The following PBXIP1 variants were observed in gnomAD, a reference collection of about 807,000 sequenced individuals.
The protein encoded by PBXIP1 is pre-B-cell leukemia transcription factor-interacting protein 1.
PBXIP1 carries 73 observed loss-of-function variants against 73.7 expected under a neutral mutation model. The observed-to-expected ratio is 0.99, with a 90% CI of 0.82 to 1.20. The LOEUF is 1.20. Ranked by LOEUF, PBXIP1 falls within the 50% of genes most tolerant of loss-of-function variation. PBXIP1 has a pLI of 0.00. For missense variants in PBXIP1, 818 were observed against 911.4 expected (o/e 0.90, Z 1.32); for synonymous variants, 330 against 366.9 (o/e 0.90, Z 1.15).
chr1:154,946,884 C>T, intron 9 of PBXIP1, 81 bp from the exon 10 acceptor site: 1 of 1,376,814 alleles, frequency 7.3e-7, no homozygotes, highest in Non-Finnish European at 9.8e-7. Context: ...CAATTCCATT[C>T]TATTATAGTG....
At position 154,946,293 on chromosome 1, in the gene PBXIP1, G is replaced by A; in HGVS notation, c.1381C>T (p.His461Tyr). ...GVSANASKAW[H>Y]QKSHFQNSRE... ...GAATTCTGGAAGTGGGACTTCTGGT[G>A]CCAGGCCTTTGAGGCATTGGCAGAG... is the stretch of plus-strand genomic sequence containing the variant. The change falls in exon 10 of 11, where the codon CAC becomes TAC. Residue 461 changes from histidine to tyrosine, a missense_variant. Coordinates refer to ENST00000368463, the MANE Select transcript of PBXIP1 (RefSeq NM_020524.4). 6.2e-7 allele frequency: 1 copy of A among 1,614,120 alleles called. No homozygotes were observed. Among genetic ancestry groups the A allele is most frequent in the Non-Finnish European group, 8.5e-7 (1 of 1,180,026 alleles).
chr1:154,944,959 G>C lies in PBXIP1; in HGVS notation c.*65C>G. 7.6e-7 allele frequency: 1 copy of C among 1,317,568 alleles called. No homozygotes were observed. The highest frequency in any genetic ancestry group is 1.2e-5 in the South Asian group (1 of 84,534). 81.6% of individuals were successfully genotyped at this position (1,317,568 alleles called of 1,614,324 possible). ...AAGCCAGGACAGAGTCCACCCTCCA[G>C]GAGTTAGATAACGCTGGGATCTTGG... On this transcript the variant is annotated 3_prime_UTR_variant, in exon 11 of 11. Transcript: ENST00000368463.
Position 154,951,620 on chromosome 1 carries a change from C to T in PBXIP1, c.179-85G>A. ...CCTCTGTCCATCCCACGGGCCCCTA[C>T]CAGGTTGGAAGAGGCAGGAAAAAGC... On this transcript the variant is annotated intron_variant, in intron 3 of 10. Coordinates refer to ENST00000368463, the MANE Select transcript of PBXIP1 (RefSeq NM_020524.4). The surrounding 1 kb of genome is among the most constrained non-coding windows in gnomAD (Gnocchi z 4.3). The T allele has an allele frequency of 6.7e-7, 1 of 1,487,038 alleles. No individual in the cohort carries two copies. The highest frequency in any genetic ancestry group is 9.4e-7 in the Non-Finnish European group (1 of 1,066,534). The allele number at this position is 1,487,038 out of a possible 1,614,324, so 92.1% of individuals were successfully genotyped here. A position where few individuals can be genotyped will look rare whatever the true frequency, so the allele number is the denominator to read the frequency against.
rs778312189 is a variant in PBXIP1, at chr1:154,946,066, C to T, written c.1608G>A (p.Gln536=). Residue 536 remains glutamine (Q), a synonymous_variant, in exon 10 of 11, where the codon CAG becomes CAA. Transcript: ENST00000368463. ...TTTTCCTTGGGGGTTCCTTCGGGCCCTGTCGCTTGCCCTCCTTCTTGCTCC... is the reference window on the plus strand; with the variant it reads ...TTTTCCTTGGGGGTTCCTTCGGGCCTTGTCGCTTGCCCTCCTTCTTGCTCC... The part of the protein sequence containing the change: ...ESGSKKEGKR[Q]GPKEPPRKSG... 1.2e-6 allele frequency: 2 copies of T among 1,614,180 alleles called. No individual in the cohort carries two copies. Among genetic ancestry groups the T allele is most frequent in the Non-Finnish European group, 1.7e-6 (2 of 1,180,002 alleles).
Position 154,944,971 on chromosome 1 carries a change from C to T in PBXIP1, c.*53G>A, listed in dbSNP as rs1212914294. 1.2e-5 allele frequency: 17 copies of T among 1,432,522 alleles called. No homozygotes were observed. The highest frequency in any genetic ancestry group is 1.1e-4 in the East Asian group (5 of 44,102). 88.7% of individuals were successfully genotyped at this position (1,432,522 alleles called of 1,614,324 possible). A position where few individuals can be genotyped will look rare whatever the true frequency, so the allele number is the denominator to read the frequency against. The stretch of plus-strand genomic sequence containing the variant: ...AGTCCACCCTCCAGGAGTTAGATAA[C>T]GCTGGGATCTTGGGCTGGGCCAGGC... On this transcript the variant is annotated 3_prime_UTR_variant, in exon 11 of 11. Coordinates refer to ENST00000368463, the MANE Select transcript of PBXIP1 (RefSeq NM_020524.4).
Position 154,951,566 on chromosome 1 carries a change from C to G in PBXIP1, c.179-31G>C. 1.2e-6 allele frequency: 2 copies of G among 1,603,136 alleles called. No individual in the cohort carries two copies. Among genetic ancestry groups the G allele is most frequent in the Non-Finnish European group, 1.7e-6 (2 of 1,170,718 alleles). ...GTAGGAGAAAAGGCGCAGAAAAACC[C>G]ACTGCCCCAGCTGAATTTCCTTTGC... On this transcript the variant is annotated intron_variant, in intron 3 of 10. Transcript: ENST00000368463. This position sits in a 1 kb window ranked among gnomAD's most constrained non-coding sequence, Gnocchi z 4.3.
rs552432934 is a variant in PBXIP1, at chr1:154,944,777, C to T, written c.*247G>A. 2.1e-6 allele frequency: 1 copy of T among 470,940 alleles called. No individual in the cohort carries two copies. The highest frequency in any genetic ancestry group is 3.3e-5 in the South Asian group (1 of 30,336). 29.2% of individuals were successfully genotyped at this position (470,940 alleles called of 1,614,324 possible). ...TCTCCCATCTCCCCCTTCACAGTGA[C>T]AAAACACAAGCCCACATCCCAGGGC... On this transcript the variant is annotated 3_prime_UTR_variant, in exon 11 of 11. Transcript: ENST00000368463.
intron 2 of PBXIP1, among the ~76,000 whole-genome samples, chr1:154,952,270 C>G (rs1655031859): frequency 6.6e-6 from 1 of 152,184 alleles, no homozygotes; most frequent in Non-Finnish European, 1.5e-5. Context: ...GGGAAGAAGG[C>G]AAGAGAACAA....
intron 2 of PBXIP1, among the ~76,000 whole-genome samples, chr1:154,953,328 G>A (rs542145726): frequency 1.7e-4 from 26 of 152,094 alleles, no homozygotes; most frequent in African/African-American, 5.3e-4. Flanking sequence ...TCCAACCCAC[G>A]TCTCCACATC....
At chr1:154,948,093 C>T in intron 6 of PBXIP1, 40 bp downstream of exon 6, 1 of 1,566,714 alleles carries the variant, frequency 6.4e-7, no homozygotes, top group Non-Finnish European at 8.7e-7. Context: ...GGCAGGCAGG[C>T]ATGGAAGCCC....
Position 154,951,310 on chromosome 1 carries a change from C to T in PBXIP1, c.331G>A (p.Val111Met). The stretch of plus-strand genomic sequence containing the variant: ...TGTGTGTCTGGTCCCAGGCCTGTCA[C>T]CACGGTGGTCTCCTGCAGGTCTCCC... ...VQGDLQETTV[V>M]TGLGPDTQDL... The change falls in exon 5 of 11, where the codon GTG (valine) becomes ATG (methionine). Residue 111 changes from valine to methionine, a missense_variant. By Grantham distance (21) the Val-to-Met change is conservative. Coordinates refer to ENST00000368463, the MANE Select transcript of PBXIP1 (RefSeq NM_020524.4). This position sits in a 1 kb window ranked among gnomAD's most constrained non-coding sequence, Gnocchi z 4.3. 2 of 1,614,134 alleles carry T rather than the reference C, an allele frequency of 1.2e-6. No homozygotes were observed. The highest frequency in any genetic ancestry group is 2.2e-5 in the East Asian group (1 of 44,882).
In PBXIP1 at chr1:154,947,649, TC is replaced by T; in HGVS notation, c.730del (p.Asp244ThrfsTer6). On this transcript the variant is annotated frameshift_variant, in exon 8 of 11. Coordinates refer to ENST00000368463, the MANE Select transcript of PBXIP1 (RefSeq NM_020524.4). LOFTEE classifies it high-confidence loss of function. ...PDPEVLEAVGDRQDGLREQLQ... is the reference protein window; with the variant it reads ...PDPEVLEAVGXRQDGLREQLQ... ...GGAGACATTCACACATACCTGCCTG[TC>T]CCCCACAGCTTCCAGCACCTCGGGG... 6.2e-7 allele frequency: 1 copy of T among 1,613,640 alleles called. No homozygotes were observed.
In PBXIP1 at chr1:154,948,152, C is replaced by T; in HGVS notation, c.624G>A (p.Leu208=). Residue 208 remains leucine (L), a synonymous_variant, in exon 6 of 11, where the codon CTG becomes CTA. Transcript: ENST00000368463. ...ACTCACCTGAGAAGAGGAGGACCCC[C>T]AGGCCAAGCAGAACCAGGGCCCCAA... ...CLLGALVLLG[L]GVLLFSGGLS... 1 of 1,587,544 alleles carries T rather than the reference C, an allele frequency of 6.3e-7. No individual in the cohort carries two copies. The highest frequency in any genetic ancestry group is 8.6e-7 in the Non-Finnish European group (1 of 1,165,568).
chr1:154,945,516 C>T (rs954146405), intron 10 of PBXIP1, 56 bp downstream of exon 10: 42 of 1,542,710 alleles, frequency 2.7e-5, no homozygotes, highest in Non-Finnish European at 3.6e-5. Context: ...CCTTGCTCTT[C>T]ACATCCTCCC....
In PBXIP1 at chr1:154,948,369, AG is replaced by A. The variant is rs768946769; in HGVS notation, c.410-4del. ...GCGGCCCTCCTCCCTGATCCAAGCT[AG>A]GGGAAAGGACAGGGACAGGGCAGTG... On this transcript the variant is annotated splice_polypyrimidine_tract_variant and splice_region_variant and intron_variant, in intron 5 of 10. Transcript: ENST00000368463. The A allele has an allele frequency of 6.3e-6, 10 of 1,576,708 alleles. No homozygotes were observed. The South Asian group carries it at 1.0e-4, about 16-fold the overall frequency.
At chr1:154,949,293 G>C (rs2101986151) in intron 5 of PBXIP1, among the ~76,000 whole-genome samples, 1 of 152,184 alleles carries the variant, frequency 6.6e-6, no homozygotes, top group African/African-American at 2.4e-5. Context: ...AGCCTCCTGA[G>C]TAGCTGAGAC....
At position 154,951,545 on chromosome 1, in the gene PBXIP1, G is replaced by C; in HGVS notation, c.179-10C>G. 2 of 1,612,720 alleles carry C rather than the reference G, an allele frequency of 1.2e-6. No homozygotes were observed. The highest frequency in any genetic ancestry group is 1.1e-5 in the South Asian group (1 of 91,030). On this transcript the variant is annotated splice_polypyrimidine_tract_variant and intron_variant, in intron 3 of 10. Coordinates refer to ENST00000368463, the MANE Select transcript of PBXIP1 (RefSeq NM_020524.4). This position sits in a 1 kb window ranked among gnomAD's most constrained non-coding sequence, Gnocchi z 4.3. ...GTCTGGAAGAGCGTCCCTGCGGTAG[G>C]AGAAAAGGCGCAGAAAAACCCACTG...
At position 154,947,555 on chromosome 1, in the gene PBXIP1, G is replaced by T; in HGVS notation, c.739-7C>A. On this transcript the variant is annotated splice_polypyrimidine_tract_variant and splice_region_variant and intron_variant, in intron 8 of 10. Transcript: ENST00000368463. ...GCTGTTCCCTTAGCCCATCCTGAGGGCAGAAGAGCCTGTTATGCCATGCTA... is the reference window on the plus strand; with the variant it reads ...GCTGTTCCCTTAGCCCATCCTGAGGTCAGAAGAGCCTGTTATGCCATGCTA... 6.2e-7 allele frequency: 1 copy of T among 1,603,226 alleles called. No homozygotes were observed. The highest frequency in any genetic ancestry group is 8.5e-7 in the Non-Finnish European group (1 of 1,173,248).
chr1:154,947,879 T>A, intron 7 of PBXIP1, 103 bp downstream of exon 7: 8 of 1,404,378 alleles, frequency 5.7e-6, no homozygotes, highest in African/African-American at 1.4e-5. Context: ...ACAAGGCCAC[T>A]AACTGAGAAA....
Sources: gnomAD v4.1 joint callset for allele counts (sites outside exome capture counted in the v4.1 genomes callset) on GRCh38, gnomAD v4.1.1 for gene constraint, Gnocchi (gnomAD v3.1) non-coding constraint, MANE v1.5 for transcripts, NCBI Gene and HGNC (gene_info 2026-07-23, HGNC 2026-07-21) for gene names.